The following ZW10 variants were observed in gnomAD, a reference collection of about 807,000 sequenced individuals.
The protein encoded by ZW10 is zw10 kinetochore protein.
ZW10 carries 53 observed loss-of-function variants against 87.8 expected under a neutral mutation model. The observed-to-expected ratio is 0.60, with a 90% confidence interval of 0.48 to 0.76. ZW10 has a LOEUF of 0.76. Among genes scored for constraint, ZW10 ranks in the 30% least tolerant of loss-of-function variants. The pLI, the probability that ZW10 is intolerant of heterozygous loss-of-function variation, is 0.00. For missense variants in ZW10, 837 were observed against 923.0 expected (o/e 0.91, Z 1.21); for synonymous variants, 312 against 329.2 (o/e 0.95, Z 0.57).
rs1953655859 is a variant in ZW10, at chr11:113,744,184, G to C, written c.1273-144C>G. On this transcript the variant is annotated intron_variant, in intron 9 of 15. Coordinates refer to ENST00000200135, the MANE Select transcript of ZW10 (RefSeq NM_004724.4). ...GGGCAGATCACGAGGTCAGGAGATC[G>C]AGACCATCCTGGCTAACACGGTGAA... is the stretch of plus-strand genomic sequence containing the variant. 3 of 647,030 alleles carry C rather than the reference G, an allele frequency of 4.6e-6. No homozygotes were observed. In the South Asian group the frequency reaches 5.8e-5, roughly 13 times the overall value. 40.1% of individuals were successfully genotyped at this position (647,030 alleles called of 1,614,324 possible).
chr11:113,748,805 TGC>T (rs1265391474), intron 7 of ZW10, among the ~76,000 whole-genome samples: 1 of 152,230 alleles, frequency 6.6e-6, no homozygotes, highest in East Asian at 1.9e-4. Context: ...TTTTCGTCTC[TGC>T]ATAGAATCTG....
intron 2 of ZW10, among the ~76,000 whole-genome samples, chr11:113,762,834 G>C (rs1953875747): frequency 6.6e-6 from 1 of 152,090 alleles, no homozygotes; most frequent in Non-Finnish European, 1.5e-5. Flanking sequence ...TTTAACTCTT[G>C]CAATAACACA....
chr11:113,773,117 C>T (rs1196382528), intron 1 of ZW10, among the ~76,000 whole-genome samples: 1 of 151,698 alleles, frequency 6.6e-6, no homozygotes, highest in Non-Finnish European at 1.5e-5. Flanking sequence ...AGGAAATAAA[C>T]ACTCATCGAT....
chr11:113,756,095 T>C (rs1953781736), intron 7 of ZW10, among the ~76,000 whole-genome samples: 1 of 152,096 alleles, frequency 6.6e-6, no homozygotes, highest in South Asian at 2.1e-4. Flanking sequence ...TAGTAGTCCC[T>C]TTAAGGAGGT....
intron 11 of ZW10, among the ~76,000 whole-genome samples, chr11:113,739,665 G>C (rs888514547): frequency 1.3e-5 from 2 of 152,162 alleles, no homozygotes; most frequent in Non-Finnish European, 2.9e-5. Context: ...TGAAAACCTA[G>C]CAGAGCTATG....
intron 7 of ZW10, among the ~76,000 whole-genome samples, chr11:113,755,197 T>G (rs1419055121): frequency 1.3e-5 from 2 of 152,210 alleles, no homozygotes; most frequent in African/African-American, 2.4e-5. Flanking sequence ...ATTCCTCTGA[T>G]GGATCTGAGC....
At position 113,737,489 on chromosome 11, in the gene ZW10, C is replaced by T. The variant is rs893630760; in HGVS notation, c.2016+83G>A. On this transcript the variant is annotated intron_variant, in intron 14 of 15. Coordinates refer to ENST00000200135, the MANE Select transcript of ZW10 (RefSeq NM_004724.4). ...GTTAGACATGAAACATGAACAATTTCTTCAACATCACTTTCTTAGCAAAGT... is the reference window on the plus strand; with the variant it reads ...GTTAGACATGAAACATGAACAATTTTTTCAACATCACTTTCTTAGCAAAGT... 8.3e-6 allele frequency: 11 copies of T among 1,327,716 alleles called. No individual in the cohort carries two copies. The Admixed American group carries it at 2.6e-4, about 31-fold the overall frequency. The allele number at this position is 1,327,716 out of a possible 1,614,324, so 82.2% of individuals were successfully genotyped here.
At position 113,764,457 on chromosome 11, in the gene ZW10, T is replaced by C. The variant is rs535735482; in HGVS notation, c.241-3539A>G. 2.0e-5 allele frequency among the ~76,000 whole-genome samples: 3 copies of C among 152,338 alleles called. No homozygotes were observed. In the South Asian group the frequency reaches 6.2e-4, roughly 32 times the overall value. ...TATAAATTGCTTATGGCCATTTTCA[T>C]GATACTGATTCTTCCTATCCATGAG... On this transcript the variant is annotated intron_variant, in intron 2 of 15. Transcript: ENST00000200135.
intron 9 of ZW10, among the ~76,000 whole-genome samples, chr11:113,744,572 C>A (rs901134902): frequency 1.3e-5 from 2 of 151,908 alleles, no homozygotes; most frequent in African/African-American, 4.8e-5. Flanking sequence ...TCCCTTAATC[C>A]CCTTTACTGT....
At chr11:113,752,850 T>C (rs1327469997) in intron 7 of ZW10, among the ~76,000 whole-genome samples, 1 of 152,166 alleles carries the variant, frequency 6.6e-6, no homozygotes, top group Non-Finnish European at 1.5e-5. Context: ...CATCTCTCAC[T>C]TTATATCAAA....
chr11:113,742,363 T>A (rs998904513), intron 10 of ZW10, among the ~76,000 whole-genome samples: 1 of 152,208 alleles, frequency 6.6e-6, no homozygotes, highest in African/African-American at 2.4e-5. Flanking sequence ...TACCTCTACA[T>A]AAGAATATCT....
At chr11:113,765,069 G>T (rs1953897143) in intron 2 of ZW10, among the ~76,000 whole-genome samples, 1 of 152,174 alleles carries the variant, frequency 6.6e-6, no homozygotes, top group Non-Finnish European at 1.5e-5. Flanking sequence ...CACATCTAGT[G>T]AACAGAGGCC....
intron 5 of ZW10, among the ~76,000 whole-genome samples, chr11:113,759,549 C>T (rs1309386703): frequency 6.6e-6 from 1 of 152,128 alleles, no homozygotes; most frequent in Non-Finnish European, 1.5e-5. Flanking sequence ...ATAGCATGTC[C>T]TTTAAATACA....
chr11:113,772,245 G>A (rs906115090), intron 1 of ZW10, among the ~76,000 whole-genome samples: 1 of 152,176 alleles, frequency 6.6e-6, no homozygotes, highest in Non-Finnish European at 1.5e-5. Context: ...GGCATGTTGG[G>A]TCCAGAACAC....
intron 6 of ZW10, 138 bp downstream of exon 6, chr11:113,758,416 A>G: frequency 1.5e-6 from 1 of 662,820 alleles, no homozygotes; most frequent in Non-Finnish European, 2.3e-6. Flanking sequence ...AATATTTAGG[A>G]CAATTCTCTT....
intron 7 of ZW10, among the ~76,000 whole-genome samples, chr11:113,753,320 A>C (rs1328180041): frequency 3.3e-5 from 5 of 152,196 alleles, no homozygotes; most frequent in Non-Finnish European, 5.9e-5. Context: ...CTCTTGAAGG[A>C]AATGAAAAGT....
At position 113,760,265 on chromosome 11, in the gene ZW10, T is replaced by C. The variant is rs781402781; in HGVS notation, c.524A>G (p.Tyr175Cys). The C allele has an allele frequency of 2.8e-5, 46 of 1,614,040 alleles. 1 individual carries two copies. The South Asian group carries it at 4.6e-4, about 16-fold the overall frequency. ...CTTCTGCCACTCTTCTCCAAGGTGA[T>C]AAAGTATGTTCTGTTTCTGTATTGT... ...ELTIQKQNILYHLGEEWQKLI... is the reference protein window; with the variant it reads ...ELTIQKQNILCHLGEEWQKLI... Residue 175 changes from tyrosine to cysteine, a missense_variant, in exon 5 of 16, where the codon TAT becomes TGT. Coordinates refer to ENST00000200135, the MANE Select transcript of ZW10 (RefSeq NM_004724.4).
In ZW10 at chr11:113,738,364, G is replaced by GCCCGCATTTGGGCCAAAAAGCATTCTGTC; in HGVS notation, c.1755_1783dup (p.Ala595GlyfsTer49). The GCCCGCATTTGGGCCAAAAAGCATTCTGTC allele has an allele frequency of 1.2e-6, 2 of 1,613,124 alleles. No homozygotes were observed. The highest frequency in any genetic ancestry group is 1.7e-6 in the Non-Finnish European group (2 of 1,179,678). ...TCTTTCCAGAAGTTCACCTTTCTGT[G>GCCCGCATTTGGGCCAAAAAGCATTCTGTC]CCCGCATTTGGGCCAAAAAGCATTC... is the stretch of plus-strand genomic sequence containing the variant. On this transcript the variant is annotated frameshift_variant, in exon 13 of 16. Coordinates refer to ENST00000200135, the MANE Select transcript of ZW10 (RefSeq NM_004724.4). LOFTEE classifies it high-confidence loss of function.
At chr11:113,764,886 A>T (rs1393042928) in intron 2 of ZW10, among the ~76,000 whole-genome samples, 1 of 151,668 alleles carries the variant, frequency 6.6e-6, no homozygotes, top group African/African-American at 2.4e-5. Context: ...CTCTTTTGGG[A>T]GCTTCATTTT....
Sources: allele counts gnomAD v4.1 joint callset (sites outside exome capture counted in the v4.1 genomes callset), GRCh38; gene constraint gnomAD v4.1.1; transcripts MANE v1.5; gene names NCBI Gene and HGNC (gene_info 2026-07-23, HGNC 2026-07-21).